The following NEGR1 variants were observed in gnomAD, a reference collection of about 807,000 sequenced individuals.
NEGR1 encodes the protein IgLON family member 4.
In NEGR1, 10 loss-of-function variants were observed where a neutral mutation model predicts 40.9. The ratio of observed to expected loss-of-function variants is 0.24; its 90% confidence interval spans 0.15 to 0.42. NEGR1 has a LOEUF of 0.42. Among genes scored for constraint, NEGR1 ranks in the 10% least tolerant of loss-of-function variants. NEGR1 has a pLI of 1.00. For synonymous variants in NEGR1, 185 were observed against 166.8 expected, an observed-to-expected ratio of 1.11 and a Z score of -0.84; for missense variants, 352 against 438.9, an observed-to-expected ratio of 0.80 and a Z score of 1.77.
At chr1:71,850,083 C>G (rs982752541) in intron 2 of NEGR1, among the ~76,000 whole-genome samples, 32 of 140,606 alleles carry the variant, frequency 2.3e-4, no homozygotes, top group African/African-American at 7.9e-4. Flanking sequence ...CCATTACTTA[C>G]ATACCATTGT....
chr1:72,166,361 T>C (rs1297474274), intron 1 of NEGR1, among the ~76,000 whole-genome samples: 2 of 152,024 alleles, frequency 1.3e-5, no homozygotes, highest in Admixed American at 1.3e-4. Flanking sequence ...CATGAAAAAC[T>C]GTATGGAGGT....
intron 6 of NEGR1, among the ~76,000 whole-genome samples, chr1:71,525,718 G>T (rs976946632): frequency 7.9e-5 from 12 of 151,610 alleles, no homozygotes; most frequent in African/African-American, 2.9e-4. Flanking sequence ...TGGTAATTGT[G>T]ATGTCACTCT....
At chr1:71,895,570 CT>C (rs376274735) in intron 2 of NEGR1, among the ~76,000 whole-genome samples, 177 of 139,412 alleles carry the variant, frequency 1.3e-3, no homozygotes, top group Non-Finnish European at 2.0e-3. Context: ...TGGTGCCTGG[CT>C]TCTTTCACTT....
intron 1 of NEGR1, among the ~76,000 whole-genome samples, chr1:71,961,147 T>C (rs1236867412): frequency 6.6e-6 from 1 of 152,170 alleles, no homozygotes; most frequent in Non-Finnish European, 1.5e-5. Context: ...CACTATTAAG[T>C]TGCCAACTTG....
At chr1:72,074,534 C>T (rs1218784783) in intron 1 of NEGR1, among the ~76,000 whole-genome samples, 1 of 151,908 alleles carries the variant, frequency 6.6e-6, no homozygotes, top group Non-Finnish European at 1.5e-5. Context: ...TGAAAAAGGA[C>T]TTTTGCTATA....
chr1:71,761,275 T>A (rs1655930496), intron 3 of NEGR1, among the ~76,000 whole-genome samples: 1 of 152,122 alleles, frequency 6.6e-6, no homozygotes, highest in Admixed American at 6.6e-5. Flanking sequence ...TGCTGTAGAG[T>A]TAAAGCGGCC....
At chr1:72,159,044 C>T (rs1474181060) in intron 1 of NEGR1, among the ~76,000 whole-genome samples, 1 of 152,006 alleles carries the variant, frequency 6.6e-6, no homozygotes, top group Non-Finnish European at 1.5e-5. Flanking sequence ...AGTACTTTGC[C>T]TCAATAATGT....
At chr1:72,203,678 A>G (rs890285211) in intron 1 of NEGR1, among the ~76,000 whole-genome samples, 3 of 152,146 alleles carry the variant, frequency 2.0e-5, no homozygotes, top group South Asian at 4.1e-4. Context: ...ATCAAACACC[A>G]TCACATGCTG....
At chr1:71,669,736 C>T (rs1039716796) in intron 4 of NEGR1, among the ~76,000 whole-genome samples, 7 of 151,904 alleles carry the variant, frequency 4.6e-5, no homozygotes, top group Non-Finnish European at 8.8e-5. Context: ...CTGCAACTTT[C>T]GACTCCCTGG....
At chr1:71,451,166 G>A (rs1332602475) in intron 6 of NEGR1, among the ~76,000 whole-genome samples, 2 of 152,158 alleles carry the variant, frequency 1.3e-5, no homozygotes, top group Admixed American at 1.3e-4. Flanking sequence ...AGGGCAGACA[G>A]GCTTGTTCAA....
At chr1:71,960,271 C>T (rs566210132) in intron 1 of NEGR1, among the ~76,000 whole-genome samples, 2 of 152,044 alleles carry the variant, frequency 1.3e-5, no homozygotes, top group African/African-American at 4.8e-5. Context: ...ATTTATTGAC[C>T]ACTTTCTATG....
At chr1:71,547,116 C>T (rs1188614823) in intron 6 of NEGR1, among the ~76,000 whole-genome samples, 2 of 151,704 alleles carry the variant, frequency 1.3e-5, no homozygotes, top group Non-Finnish European at 3.0e-5. Flanking sequence ...CCACCAAATT[C>T]CTTTTCTTCC....
intron 1 of NEGR1, among the ~76,000 whole-genome samples, chr1:72,176,362 T>C (rs1050122952): frequency 1.3e-5 from 2 of 152,124 alleles, no homozygotes; most frequent in African/African-American, 4.8e-5. Context: ...TGCTAATGTT[T>C]TACCAGGAGC....
intron 4 of NEGR1, among the ~76,000 whole-genome samples, chr1:71,683,971 A>G (rs1652929396): frequency 6.6e-6 from 1 of 152,120 alleles, no homozygotes; most frequent in Non-Finnish European, 1.5e-5. Context: ...GTCTGAGGAT[A>G]CAAGATTTAA....
intron 1 of NEGR1, among the ~76,000 whole-genome samples, chr1:71,948,496 T>TGTGA (rs1368411356): frequency 2.1e-3 from 316 of 148,560 alleles, no homozygotes; most frequent in Admixed American, 3.2e-3. Context: ...TGTGTGTGTG[T>TGTGA]GAGAGAGAGA....
chr1:71,689,342 T>C (rs760806476), intron 4 of NEGR1, among the ~76,000 whole-genome samples: 1 of 152,106 alleles, frequency 6.6e-6, no homozygotes, highest in Non-Finnish European at 1.5e-5. Context: ...AACATCAGAA[T>C]GTCAGGAGTA....
At chr1:71,708,082 T>A (rs1316566298) in intron 3 of NEGR1, among the ~76,000 whole-genome samples, 1 of 152,028 alleles carries the variant, frequency 6.6e-6, no homozygotes, top group Non-Finnish European at 1.5e-5. Flanking sequence ...AATACCTAAC[T>A]TTTTAATGTC....
intron 2 of NEGR1, among the ~76,000 whole-genome samples, chr1:71,801,744 A>G (rs1049319187): frequency 2.0e-5 from 3 of 152,218 alleles, no homozygotes; most frequent in Non-Finnish European, 4.4e-5. Flanking sequence ...TTCTAATAAA[A>G]TCAATCAGAT....
chr1:72,214,513 CAA>C (rs1283896051), intron 1 of NEGR1, among the ~76,000 whole-genome samples: 1 of 152,118 alleles, frequency 6.6e-6, no homozygotes, highest in African/African-American at 2.4e-5. Flanking sequence ...GCAACTTCAG[CAA>C]AGTCTCAGGA....
Sources: gnomAD v4.1 joint callset for allele counts (sites outside exome capture counted in the v4.1 genomes callset) on GRCh38, gnomAD v4.1.1 for gene constraint, MANE v1.5 for transcripts, NCBI Gene and HGNC (gene_info 2026-07-23, HGNC 2026-07-21) for gene names.